The following PIAS4 variants were observed in gnomAD, a reference collection of about 807,000 sequenced individuals.
The protein encoded by PIAS4 is protein inhibitor of activated STAT 4, also known as E3 SUMO-protein ligase PIAS4.
PIAS4 carries 7 observed loss-of-function variants against 58.0 expected under a neutral mutation model. The ratio of observed to expected loss-of-function variants is 0.12; its 90% CI spans 0.07 to 0.23. The LOEUF (loss-of-function observed/expected upper bound fraction) is 0.23. PIAS4 is among the 10% of genes least tolerant of loss of function. The pLI is 1.00. For synonymous variants in PIAS4, 364 were observed against 312.4 expected (o/e 1.17, Z -1.74); for missense variants, 550 against 709.5 (o/e 0.78, Z 2.55).
Position 4,037,716 on chromosome 19 carries a change from T to C in PIAS4, c.1374T>C (p.Asn458=), listed in dbSNP as rs766953349. 2.5e-6 allele frequency: 4 copies of C among 1,611,672 alleles called. No individual in the cohort carries two copies. In the Admixed American group the frequency reaches 5.0e-5, roughly 20 times the overall value. ...GCGGCCCGGTGGGCAGCATGGAGAA[T>C]GGGAAGCCGGGCGCCGATGTGGTGG... is the stretch of plus-strand genomic sequence containing the variant. ...GGGGPVGSME[N]GKPGADVVDL... Residue 458 remains asparagine, a synonymous_variant, in exon 11 of 11, where the codon AAT becomes AAC. Transcript: ENST00000262971. This position sits in a 1 kb window ranked among gnomAD's most constrained non-coding sequence, Gnocchi z 5.8.
rs905505157 is a variant in PIAS4 at position 4,013,272 on chromosome 19, C to T, written c.377C>T (p.Thr126Ile). 6.2e-7 allele frequency: 1 copy of T among 1,613,314 alleles called. No individual in the cohort carries two copies. The highest frequency in any genetic ancestry group is 8.5e-7 in the Non-Finnish European group (1 of 1,180,004). Residue 126 changes from threonine (T) to isoleucine (I), a missense_variant, in exon 2 of 11, where the codon ACC (threonine) becomes ATC (isoleucine). Thr to Ile is a moderately conservative substitution (Grantham distance 89). This residue lies in a region of PIAS4 where 95 missense variants were observed against 87.5 expected (regional missense o/e 1.09). Transcript: ENST00000262971. The surrounding 1 kb of genome is among the most constrained non-coding windows in gnomAD (Gnocchi z 5.1). ...GGACTGGGACGGTTGCCCGCCAAGA[C>T]CCTCAAGCCAGAAGTCCGCCTGGTG... is the stretch of plus-strand genomic sequence containing the variant. ...LNGLGRLPAK[T>I]LKPEVRLVKL...
intron 7 of PIAS4, 84 bp from the exon 8 acceptor site, chr19:4,033,016 T>C (rs955444194): frequency 2.8e-5 from 30 of 1,083,286 alleles, no homozygotes; most frequent in Non-Finnish European, 4.1e-5. Context: ...GAGGTGGACG[T>C]CAGTGCCGGA....
At chr19:4,016,861 C>T (rs1261379006) in intron 2 of PIAS4, among the ~76,000 whole-genome samples, 2 of 152,154 alleles carry the variant, frequency 1.3e-5, no homozygotes, top group African/African-American at 4.8e-5. Flanking sequence ...GCGCGGGCGG[C>T]AGAGGCTGGA....
rs760119109 is a variant in PIAS4, at chr19:4,037,825, C to G, written c.1483C>G (p.Arg495Gly). The G allele has an allele frequency of 6.4e-7, 1 of 1,574,014 alleles. No homozygotes were observed. The highest frequency in any genetic ancestry group is 8.6e-7 in the Non-Finnish European group (1 of 1,161,104). ...EEEDEDEEGPRPKRRCPFQKG... is the reference protein window; with the variant it reads ...EEEDEDEEGPGPKRRCPFQKG... ...GGAAGACGAGGACGAAGAGGGGCCC[C>G]GGCCCAAGCGCCGCTGCCCCTTCCA... Residue 495 changes from arginine to glycine, a missense_variant, in exon 11 of 11, where the codon CGG becomes GGG. Physicochemically the swap from Arg to Gly is moderately radical, Grantham distance 125 (BLOSUM62 -2). Around this residue, in one of 4 missense-constraint regions of PIAS4, gnomAD observed 188 missense variants for 192.0 expected, o/e 0.98. Coordinates refer to ENST00000262971, the MANE Select transcript of PIAS4 (RefSeq NM_015897.4). This position sits in a 1 kb window ranked among gnomAD's most constrained non-coding sequence, Gnocchi z 5.8.
Position 4,037,283 on chromosome 19 carries a change from T to C in PIAS4, c.1143-91T>C. ...TGCTCTTGCAGAGAGAAGTGGGGAG[T>C]GCCTGGCTGCATCCGGGAGGGATGG... is the stretch of plus-strand genomic sequence containing the variant. On this transcript the variant is annotated intron_variant, in intron 9 of 10. Coordinates refer to ENST00000262971, the MANE Select transcript of PIAS4 (RefSeq NM_015897.4). The surrounding 1 kb of genome is among the most constrained non-coding windows in gnomAD (Gnocchi z 5.8). The C allele has an allele frequency of 1.4e-6, 2 of 1,443,804 alleles. No individual in the cohort carries two copies. Among genetic ancestry groups the C allele is most frequent in the Non-Finnish European group, 1.8e-6 (2 of 1,090,218 alleles). The allele number at this position is 1,443,804 out of a possible 1,614,324, so 89.4% of individuals were successfully genotyped here. A position where few individuals can be genotyped will look rare whatever the true frequency, so the allele number is the denominator to read the frequency against.
At chr19:4,028,654 A>T (rs2040192626) in intron 5 of PIAS4, 54 bp downstream of exon 5, 3 of 1,604,736 alleles carry the variant, frequency 1.9e-6, no homozygotes, top group Admixed American at 1.7e-5. Context: ...GCGTGGAGGG[A>T]GGGTGGGGGC....
intron 7 of PIAS4, among the ~76,000 whole-genome samples, chr19:4,032,847 GC>G (rs2040234981): frequency 6.6e-6 from 1 of 152,192 alleles, no homozygotes; most frequent in South Asian, 2.1e-4. Context: ...GGTGGGGGAG[GC>G]CACATAGGCC....
chr19:4,024,049 C>T lies in PIAS4; in HGVS notation c.468C>T (p.Asn156=), dbSNP rs1208981777. 9.9e-6 allele frequency: 16 copies of T among 1,613,388 alleles called. No individual in the cohort carries two copies. Among genetic ancestry groups the T allele is most frequent in the African/African-American group, 4.0e-5 (3 of 74,906 alleles). Residue 156 remains asparagine, a synonymous_variant, in exon 3 of 11, where the codon AAC becomes AAT. Transcript: ENST00000262971. The part of the protein sequence containing the change: ...LKPTELVPQN[N]EKLQESPCIF... ...GTTTGTCTTCAGTCCCACAGAACAA[C>T]GAGAAGCTTCAGGAGAGCCCGTGCA...
rs1372193382 is a variant in PIAS4 at position 4,037,792 on chromosome 19, G to C, written c.1450G>C (p.Glu484Gln). Reference sequence around the variant, plus strand: ...CTCGGAGGATGAGGAGGAGGAGGAAGAGGAGGAGGAAGACGAGGACGAAGA... The same window carrying C: ...CTCGGAGGATGAGGAGGAGGAGGAACAGGAGGAGGAAGACGAGGACGAAGA... ...SSSEDEEEEE[E>Q]EEEDEDEEGP... is the part of the protein sequence containing the mutation. The change falls in exon 11 of 11, where the codon GAG becomes CAG. Residue 484 changes from glutamate (E) to glutamine (Q), a missense_variant. Transcript: ENST00000262971. The surrounding 1 kb of genome is among the most constrained non-coding windows in gnomAD (Gnocchi z 5.8). 8 of 1,597,520 alleles carry C rather than the reference G, an allele frequency of 5.0e-6. No individual in the cohort carries two copies. Among genetic ancestry groups the C allele is most frequent in the Non-Finnish European group, 6.8e-6 (8 of 1,172,716 alleles).
At chr19:4,022,666 G>GTTTGTC (rs2040122192) in intron 2 of PIAS4, among the ~76,000 whole-genome samples, 1 of 151,280 alleles carries the variant, frequency 6.6e-6, no homozygotes, top group African/African-American at 2.4e-5. Context: ...GCGCCTGGCC[G>GTTTGTC]TTTGTTTTTG....
intron 9 of PIAS4, among the ~76,000 whole-genome samples, chr19:4,034,189 C>T (rs960584316): frequency 2.0e-5 from 3 of 152,176 alleles, no homozygotes; most frequent in South Asian, 2.1e-4. Flanking sequence ...GCGCCCACCT[C>T]GTCCCCAGAG....
At chr19:4,025,517 T>G (rs1345726677) in intron 3 of PIAS4, among the ~76,000 whole-genome samples, 3 of 152,176 alleles carry the variant, frequency 2.0e-5, no homozygotes, top group African/African-American at 7.2e-5. Context: ...TAGCTTCTCG[T>G]GCCCAGCCGC....
At chr19:4,026,619 C>T (rs2040167353) in intron 3 of PIAS4, among the ~76,000 whole-genome samples, 1 of 152,118 alleles carries the variant, frequency 6.6e-6, no homozygotes, top group Admixed American at 6.5e-5. Context: ...CGCATCCCCT[C>T]CTGTCTGTAA....
intron 2 of PIAS4, 110 bp from the exon 3 acceptor site, chr19:4,023,926 C>T (rs2040136306): frequency 2.6e-6 from 2 of 779,596 alleles, no homozygotes; most frequent in Non-Finnish European, 4.6e-6. Context: ...GTCCAGCCAA[C>T]TTCCCATTTC....
chr19:4,028,112 C>T (rs754936743), intron 3 of PIAS4, 34 bp from the exon 4 acceptor site: 3 of 1,612,186 alleles, frequency 1.9e-6, no homozygotes, highest in Non-Finnish European at 2.5e-6. Context: ...CTCAGCTCTC[C>T]TTTCCTTTCC....
At position 4,012,493 on chromosome 19, in the gene PIAS4, C is replaced by T. The variant is rs187068021; in HGVS notation, c.28-430C>T. 3.4e-4 allele frequency among the ~76,000 whole-genome samples: 51 copies of T among 152,226 alleles called. 1 individual carries two copies. The East Asian group carries it at 9.3e-3, about 28-fold the overall frequency. ...CTGTGGCTGACATGGGTTGAGCGCC[C>T]GCCCAGCCAGTGCTTTATGTCATTA... On this transcript the variant is annotated intron_variant, in intron 1 of 10. Transcript: ENST00000262971.
chr19:4,035,577 G>C (rs958039393), intron 9 of PIAS4, among the ~76,000 whole-genome samples: 1 of 152,102 alleles, frequency 6.6e-6, no homozygotes, highest in Admixed American at 6.5e-5. Context: ...GCATGGGCGT[G>C]GGGAGCCCGC....
intron 1 of PIAS4, among the ~76,000 whole-genome samples, chr19:4,010,708 T>G (rs542313884): frequency 2.0e-5 from 3 of 152,242 alleles, no homozygotes; most frequent in East Asian, 3.9e-4. Flanking sequence ...GCCAGCCTCT[T>G]CCCTCTGTGA....
intron 1 of PIAS4, 113 bp downstream of exon 1, chr19:4,007,900 G>C (rs1319218499): frequency 1.2e-5 from 10 of 802,302 alleles, no homozygotes; most frequent in Non-Finnish European, 1.6e-5. Context: ...GCCGGCCCGC[G>C]GCTCGCCGTC....
Sources: gnomAD v4.1 joint callset for allele counts (sites outside exome capture counted in the v4.1 genomes callset) on GRCh38, gnomAD v4.1.1 for gene constraint, gnomAD v4.1.1 regional missense constraint, Gnocchi (gnomAD v3.1) non-coding constraint, MANE v1.5 for transcripts, NCBI Gene and HGNC (gene_info 2026-07-23, HGNC 2026-07-21) for gene names.